ODF2L: variants seen among roughly 807,000 people sequenced by gnomAD.
The protein encoded by ODF2L is outer dense fiber of sperm tails 2 like.
In ODF2L, 76 loss-of-function variants were observed where a neutral mutation model predicts 86.3. The ratio of observed to expected loss-of-function variants is 0.88; its 90% CI spans 0.73 to 1.07. The LOEUF is 1.07. Ranked by LOEUF, ODF2L falls within the 50% of genes least tolerant of loss-of-function variation. The pLI is 0.00. For missense variants in ODF2L, 748 were observed against 717.4 expected (o/e 1.04, Z -0.49); for synonymous variants, 241 against 231.3 (o/e 1.04, Z -0.38).
chr1:86,354,778 G>A lies in ODF2L; in HGVS notation c.1600C>T (p.Gln534Ter). The change falls in exon 15 of 18, where the codon CAA (glutamine) becomes TAA (stop). Residue 534 changes from glutamine to a stop codon, truncating the protein, a stop_gained. Transcript: ENST00000317336. LOFTEE classifies it high-confidence loss of function. Reference sequence around the variant, plus strand: ...GTTAAGTAATTTAATACTTACTGTTGAAGGTTTTCACACTTCAGCTGAATA... The same window carrying A: ...GTTAAGTAATTTAATACTTACTGTTAAAGGTTTTCACACTTCAGCTGAATA... 1 of 1,587,272 alleles carries A rather than the reference G, an allele frequency of 6.3e-7. No homozygotes were observed. The highest frequency in any genetic ancestry group is 8.6e-7 in the Non-Finnish European group (1 of 1,157,438).
At chr1:86,384,538 G>A in intron 4 of ODF2L, 138 bp downstream of exon 4, 2 of 429,176 alleles carry the variant, frequency 4.7e-6, no homozygotes. Context: ...AACACTAAAG[G>A]TGGGGATTAA....
intron 11 of ODF2L, among the ~76,000 whole-genome samples, chr1:86,365,622 C>A (rs1659350050): frequency 6.6e-6 from 1 of 152,092 alleles, no homozygotes; most frequent in African/African-American, 2.4e-5. Flanking sequence ...CAAGACCAAA[C>A]TATTATAAAG....
intron 16 of ODF2L, among the ~76,000 whole-genome samples, chr1:86,353,588 T>G (rs1378288511): frequency 6.6e-6 from 1 of 152,168 alleles, no homozygotes; most frequent in Non-Finnish European, 1.5e-5. Context: ...TTTGTAAGAA[T>G]GCTGGGTTGG....
chr1:86,347,351 A>G (rs919948182), downstream of ODF2L: 1 of 152,186 alleles, frequency 6.6e-6, no homozygotes, highest in Non-Finnish European at 1.5e-5. Context: ...AAAACTCAAG[A>G]GCTTTGCTTT....
At position 86,354,518 on chromosome 1, in the gene ODF2L, G is replaced by A; in HGVS notation, c.1767+12C>T. The A allele has an allele frequency of 1.3e-6, 2 of 1,541,646 alleles. No homozygotes were observed. The highest frequency in any genetic ancestry group is 1.8e-6 in the Non-Finnish European group (2 of 1,133,244). On this transcript the variant is annotated intron_variant, in intron 16 of 17. Transcript: ENST00000317336. Reference sequence around the variant, plus strand: ...ATGAATTAAAAAGTTTCTAAATAAAGGCCATGCATACCTTTTGTCTTCCTT... The same window carrying A: ...ATGAATTAAAAAGTTTCTAAATAAAAGCCATGCATACCTTTTGTCTTCCTT...
intron 9 of ODF2L, 101 bp from the exon 10 acceptor site, chr1:86,371,254 G>C: frequency 1.9e-6 from 1 of 535,070 alleles, no homozygotes; most frequent in Non-Finnish European, 3.1e-6. Flanking sequence ...CGGGTGCATC[G>C]TTTCAAATAG....
At chr1:86,362,957 GACT>G (rs1468575473) in intron 11 of ODF2L, among the ~76,000 whole-genome samples, 3 of 152,118 alleles carry the variant, frequency 2.0e-5, no homozygotes, top group African/African-American at 7.2e-5. Flanking sequence ...ACACCCAGCT[GACT>G]ACATTTTTAT....
rs368147513 is a variant in ODF2L at position 86,365,092 on chromosome 1, T to C, written c.1143+3544A>G. ...ATATTGTGTCTAGTATTTTTTCCTG[T>C]CTTCTTCCAAATTCTATTCTGGCTC... On this transcript the variant is annotated intron_variant, in intron 11 of 17. Coordinates refer to ENST00000317336, the Ensembl canonical transcript of ODF2L. 1.3e-4 allele frequency among the ~76,000 whole-genome samples: 20 copies of C among 152,334 alleles called. 1 individual carries two copies. Among genetic ancestry groups the C allele is most frequent in the Admixed American group, 6.5e-4 (10 of 15,296 alleles).
intron 6 of ODF2L, among the ~76,000 whole-genome samples, chr1:86,382,666 A>T (rs546083789): frequency 1.3e-5 from 2 of 152,056 alleles, no homozygotes; most frequent in East Asian, 1.9e-4. Context: ...TTGTTCCCCA[A>T]CTGAAACACA....
At chr1:86,372,309 T>C (rs1020858229) in intron 9 of ODF2L, 122 bp downstream of exon 9, 1 of 405,300 alleles carries the variant, frequency 2.5e-6, no homozygotes, top group Non-Finnish European at 4.4e-6. Flanking sequence ...AAATATCAAA[T>C]CATATAGGTA....
At chr1:86,358,672 G>C in intron 13 of ODF2L, 115 bp downstream of exon 12, 1 of 454,934 alleles carries the variant, frequency 2.2e-6, no homozygotes, top group East Asian at 3.9e-5. Flanking sequence ...CAGAGGCTAA[G>C]ACTAGCCCTT....
rs185424396 is a variant in ODF2L, at chr1:86,367,109, C to T, written c.1143+1527G>A. Among the ~76,000 whole-genome samples the T allele has an allele frequency of 2.4e-3, 358 of 152,160 alleles. 2 individuals are homozygous for T. Among genetic ancestry groups the T allele is most frequent in the Non-Finnish European group, 3.9e-3 (266 of 67,986 alleles). On this transcript the variant is annotated intron_variant, in intron 11 of 17. Coordinates refer to ENST00000317336, the Ensembl canonical transcript of ODF2L. ...AATTAAAAATGTCACTACAGAGGAA[C>T]AAGTATCAGAATGGTGGCAGATTTT...
intron 2 of ODF2L, chr1:86,386,645 C>T (rs1660973059): frequency 6.0e-6 from 2 of 335,140 alleles, no homozygotes; most frequent in Non-Finnish European, 1.1e-5. Context: ...GCCTCATCCT[C>T]CCAAAGTGCT....
chr1:86,346,884 G>A (rs1657833578), downstream of ODF2L: 1 of 152,192 alleles, frequency 6.6e-6, no homozygotes, highest in Non-Finnish European at 1.5e-5. Flanking sequence ...TGGATACAGA[G>A]GTAGTATGGT....
At chr1:86,374,403 A>T (rs779314309) in intron 8 of ODF2L, among the ~76,000 whole-genome samples, 1 of 152,172 alleles carries the variant, frequency 6.6e-6, no homozygotes, top group African/African-American at 2.4e-5. Context: ...TGTTGAAACT[A>T]GTCAGTGATG....
chr1:86,349,516 A>T (rs1436660052), downstream of ODF2L: 1 of 152,162 alleles, frequency 6.6e-6, no homozygotes, highest in Non-Finnish European at 1.5e-5. Context: ...TACATCCTTC[A>T]TATCAGGTGT....
chr1:86,372,365 C>T (rs1355905632), intron 9 of ODF2L, 66 bp downstream of exon 9: 15 of 723,238 alleles, frequency 2.1e-5, no homozygotes, highest in Non-Finnish European at 2.9e-5. Context: ...ATACAAACAA[C>T]TCAAAGAATT....
At chr1:86,395,285 T>G (rs1490055198) in intron 1 of ODF2L, among the ~76,000 whole-genome samples, 1 of 152,154 alleles carries the variant, frequency 6.6e-6, no homozygotes, top group Non-Finnish European at 1.5e-5. Flanking sequence ...GCAGCCCCAG[T>G]ATGGTTATTC....
intron 1 of ODF2L, among the ~76,000 whole-genome samples, chr1:86,395,542 C>A (rs935909344): frequency 2.6e-5 from 4 of 152,170 alleles, no homozygotes; most frequent in African/African-American, 7.2e-5. Flanking sequence ...TCCCGCACTA[C>A]AGGGGTCGCC....
Sources: gnomAD v4.1 joint callset for allele counts (sites outside exome capture counted in the v4.1 genomes callset) on GRCh38, gnomAD v4.1.1 for gene constraint, MANE v1.5 for transcripts, NCBI Gene and HGNC (gene_info 2026-07-23, HGNC 2026-07-21) for gene names.